Variants in MEPE observed in about 807,000 individuals in gnomAD.
MEPE encodes the protein matrix, extracellular phosphoglycoprotein with ASARM motif (bone).
Under a neutral mutation model 7.3 loss-of-function variants are expected in MEPE, and 7 were observed. The observed-to-expected ratio is 0.95, with a 90% CI of 0.54 to 1.79. The LOEUF (loss-of-function observed/expected upper bound fraction) is 1.79, where lower values mean the gene tolerates loss of function less well. Among genes scored for constraint, MEPE ranks in the 40% most tolerant of loss-of-function variants. MEPE has a pLI of 0.00. For synonymous variants in MEPE, 214 were observed against 213.1 expected, an observed-to-expected ratio of 1.00 and a Z score of -0.04; for missense variants, 623 against 628.2, an observed-to-expected ratio of 0.99 and a Z score of 0.09.
At chr4:87,834,979 T>C (rs1722727783) in intron 2 of MEPE, among the ~76,000 whole-genome samples, 2 of 152,234 alleles carry the variant, frequency 1.3e-5, no homozygotes, top group South Asian at 2.1e-4. Flanking sequence ...CTGACAACAT[T>C]GTCTTTTAAG....
chr4:87,824,199 A>T (rs911427846), intron 1 of MEPE, among the ~76,000 whole-genome samples: 13 of 152,206 alleles, frequency 8.5e-5, no homozygotes, highest in African/African-American at 2.4e-4. Flanking sequence ...AAAAGACCAG[A>T]TAGAAAGTAT....
At chr4:87,836,027 G>T (rs752470934) in intron 2 of MEPE, among the ~76,000 whole-genome samples, 1 of 151,870 alleles carries the variant, frequency 6.6e-6, no homozygotes, top group Non-Finnish European at 1.5e-5. Context: ...CATCTGCTTG[G>T]GGGTATAGAG....
chr4:87,822,100 A>G (rs992423689), intron 1 of MEPE, among the ~76,000 whole-genome samples: 1 of 151,792 alleles, frequency 6.6e-6, no homozygotes, highest in Non-Finnish European at 1.5e-5. Flanking sequence ...AAAATGTCTC[A>G]CCCGACTTTC....
upstream of MEPE, among the ~76,000 whole-genome samples, chr4:87,829,955 G>T (rs1722561334): frequency 6.8e-6 from 1 of 146,882 alleles, no homozygotes; most frequent in African/African-American, 2.5e-5. Flanking sequence ...GCACAGAAAA[G>T]TTCAAATTAG....
intron 3 of MEPE, 42 bp downstream of exon 3, chr4:87,838,727 T>C (rs1560539168): frequency 6.4e-7 from 1 of 1,569,266 alleles, no homozygotes; most frequent in South Asian, 1.1e-5. Flanking sequence ...ATTTCAGCTC[T>C]ATAAAGAAAA....
chr4:87,833,159 T>A (rs1287443633), intron 1 of MEPE, 145 bp downstream of exon 1: 1 of 152,220 alleles, frequency 6.6e-6, no homozygotes, highest in African/African-American at 2.4e-5. Context: ...TGGTGCTTTG[T>A]TTTATAAAAT....
At chr4:87,828,843 G>C (rs1722532712), upstream of MEPE, among the ~76,000 whole-genome samples, 1 of 152,126 alleles carries the variant, frequency 6.6e-6, no homozygotes, top group Non-Finnish European at 1.5e-5. Flanking sequence ...TTTTGAACCA[G>C]GAACGAGGAA....
Position 87,845,830 on chromosome 4 carries a change from A to C in MEPE, c.962A>C (p.Asp321Ala). The part of the protein sequence containing the change: ...ENGGNTIGTR[D>A]ETAKEADAVD... ...GGTGGAAATACCATTGGAACTAGGGATGAAACTGCGAAAGAGGCAGATGCT... is the reference window on the plus strand; with the variant it reads ...GGTGGAAATACCATTGGAACTAGGGCTGAAACTGCGAAAGAGGCAGATGCT... Residue 321 changes from aspartate to alanine, a missense_variant, in exon 4 of 4, where the codon GAT becomes GCT. Transcript: ENST00000361056. The C allele has an allele frequency of 6.2e-7, 1 of 1,614,062 alleles. No homozygotes were observed.
intron 1 of MEPE, among the ~76,000 whole-genome samples, chr4:87,825,057 G>A (rs1722427506): frequency 2.0e-5 from 3 of 152,216 alleles, no homozygotes; most frequent in Middle Eastern, 3.4e-3. Context: ...ATGCTGCTGA[G>A]GCTAGTCTCC....
At chr4:87,844,062 C>T (rs969895254) in intron 3 of MEPE, among the ~76,000 whole-genome samples, 1 of 152,310 alleles carries the variant, frequency 6.6e-6, no homozygotes, top group South Asian at 2.1e-4. Context: ...AGACTTCTCC[C>T]TGTTTGAGTA....
In MEPE at chr4:87,845,676, GA is replaced by G; in HGVS notation, c.810del (p.Ala271LeufsTer6). On this transcript the variant is annotated frameshift_variant, in exon 4 of 4. Transcript: ENST00000361056. LOFTEE classifies it low-confidence loss of function (END_TRUNC). ...QPFKDIPGKG[E>X]ATGPDLEGKD... ...TTTTAAGGACATTCCTGGTAAAGGA[GA>G]AGCTACTGGTCCTGACCTAGAAGGC... The G allele has an allele frequency of 1.2e-6, 2 of 1,613,776 alleles. No individual in the cohort carries two copies. Among genetic ancestry groups the G allele is most frequent in the Admixed American group, 1.7e-5 (1 of 59,954 alleles).
At chr4:87,824,128 T>C (rs903861322) in intron 1 of MEPE, among the ~76,000 whole-genome samples, 1 of 152,210 alleles carries the variant, frequency 6.6e-6, no homozygotes, top group Non-Finnish European at 1.5e-5. Context: ...CTGCCCTCAC[T>C]ATTTTAATAA....
intron 1 of MEPE, among the ~76,000 whole-genome samples, chr4:87,823,135 C>T (rs1004681397): frequency 3.9e-5 from 6 of 152,196 alleles, no homozygotes; most frequent in South Asian, 2.1e-4. Context: ...GAGGGTGACT[C>T]TTACAAGATA....
At chr4:87,844,126 C>T (rs1021030828) in intron 3 of MEPE, among the ~76,000 whole-genome samples, 1 of 152,184 alleles carries the variant, frequency 6.6e-6, no homozygotes, top group Non-Finnish European at 1.5e-5. Context: ...CTTTTAGAGC[C>T]ACTTCACTTC....
In MEPE at chr4:87,834,444, C is replaced by T. The variant is rs560937667; in HGVS notation, c.-12-259C>T. On this transcript the variant is annotated intron_variant, in intron 1 of 3. Coordinates refer to ENST00000361056, the MANE Select transcript of MEPE (RefSeq NM_020203.6). ...ATAAATGTGTCTATAAAATATATTT[C>T]TATCAACTGACTTTACTGTTTTAAT... 2.0e-5 allele frequency among the ~76,000 whole-genome samples: 3 copies of T among 152,294 alleles called. No homozygotes were observed. In the South Asian group the frequency reaches 6.2e-4, roughly 32 times the overall value.
intron 1 of MEPE, among the ~76,000 whole-genome samples, chr4:87,826,411 G>GT (rs574915911): frequency 4.3e-4 from 63 of 146,702 alleles, no homozygotes; most frequent in East Asian, 2.6e-3. Context: ...TTTTGTTTTT[G>GT]TTTTTTTTTG....
At position 87,834,794 on chromosome 4, in the gene MEPE, T is replaced by C. The variant is rs199861870; in HGVS notation, c.54+26T>C. The C allele has an allele frequency of 2.2e-5, 35 of 1,590,232 alleles. No homozygotes were observed. The East Asian group carries it at 7.6e-4, about 35-fold the overall frequency. ...GTAAGTATTTACAAATTCAATTATA[T>C]TTCAGATAATCTCTTGCTCTCTTCA... On this transcript the variant is annotated intron_variant, in intron 2 of 3. Transcript: ENST00000361056.
At chr4:87,822,445 C>T (rs79843741) in intron 1 of MEPE, among the ~76,000 whole-genome samples, 6,752 of 152,242 alleles carry the variant, frequency 0.044, 502 homozygotes, top group African/African-American at 0.16. Context: ...GGTTACGAAG[C>T]TCCTGAATGC....
At position 87,845,741 on chromosome 4, in the gene MEPE, T is replaced by C. The variant is rs764113969; in HGVS notation, c.873T>C (p.Ala291=). 3 of 1,613,934 alleles carry C rather than the reference T, an allele frequency of 1.9e-6. No individual in the cohort carries two copies. The highest frequency in any genetic ancestry group is 2.2e-5 in the South Asian group (2 of 91,066). The change falls in exon 4 of 4, where the codon GCT becomes GCC. Residue 291 remains alanine (A), a synonymous_variant. Transcript: ENST00000361056. ...CAGGGTTTGCAGGCCCAAGTGAAGC[T>C]GAGAGTACTCATCTTGACACAAAAA... is the stretch of plus-strand genomic sequence containing the variant. The part of the protein sequence containing the change: ...IQTGFAGPSE[A]ESTHLDTKKP...
Sources: allele counts gnomAD v4.1 joint callset (sites outside exome capture counted in the v4.1 genomes callset), GRCh38; gene constraint gnomAD v4.1.1; transcripts MANE v1.5; gene names NCBI Gene and HGNC (gene_info 2026-07-23, HGNC 2026-07-21).